Variants in DOCK2 observed in about 807,000 individuals in gnomAD.
The protein encoded by DOCK2 is dedicator of cytokinesis protein 2.
DOCK2 carries 87 observed loss-of-function variants against 248.9 expected under a neutral mutation model. The observed-to-expected ratio is 0.35, with a 90% CI of 0.29 to 0.42. DOCK2 has a LOEUF of 0.42. Ranked by LOEUF, DOCK2 falls within the 10% of genes least tolerant of loss-of-function variation. The pLI, the probability that DOCK2 is intolerant of heterozygous loss-of-function variation, is 1.00. For synonymous variants in DOCK2, 805 were observed against 821.6 expected, an observed-to-expected ratio of 0.98 and a Z score of 0.35; for missense variants, 1,747 against 2,300.2, an observed-to-expected ratio of 0.76 and a Z score of 4.92.
chr5:169,702,482 T>G, intron 14 of DOCK2, 55 bp downstream of exon 14: 2 of 1,603,408 alleles, frequency 1.2e-6, no homozygotes, highest in South Asian at 1.1e-5. Flanking sequence ...GGCCTCTGCT[T>G]GTAAAGACGT....
At position 169,950,930 on chromosome 5, in the gene DOCK2, A is replaced by G. The variant is rs76304993; in HGVS notation, c.2800-32138A>G. Reference sequence around the variant, plus strand: ...TGGTCTTCATGATGTTGGCTCACTCAAAATTATAAAATTAATTTGAATTTG... The same window carrying G: ...TGGTCTTCATGATGTTGGCTCACTCGAAATTATAAAATTAATTTGAATTTG... On this transcript the variant is annotated intron_variant, in intron 27 of 51. Transcript: ENST00000520908. Among the ~76,000 whole-genome samples the G allele has an allele frequency of 3.3e-4, 51 of 152,334 alleles. No individual in the cohort carries two copies. In the East Asian group the frequency reaches 9.4e-3, roughly 28 times the overall value.
chr5:169,858,240 G>A (rs916221865), intron 27 of DOCK2, among the ~76,000 whole-genome samples: 9 of 152,218 alleles, frequency 5.9e-5, no homozygotes, highest in African/African-American at 2.2e-4. Flanking sequence ...AAAGAATGAC[G>A]CAGATATATG....
At chr5:169,803,366 G>A (rs917036831) in intron 26 of DOCK2, among the ~76,000 whole-genome samples, 160 bp downstream of exon 26, 3 of 152,208 alleles carry the variant, frequency 2.0e-5, no homozygotes, top group Admixed American at 1.3e-4. Flanking sequence ...CCCCATTGCT[G>A]TGAAGGATGG....
In DOCK2 at chr5:169,780,327, GTGTGT is replaced by G. The variant is rs879754887; in HGVS notation, c.2554+18703_2554+18707del. Among the ~76,000 whole-genome samples, 176 of 114,128 alleles carry G rather than the reference GTGTGT, an allele frequency of 1.5e-3. 2 individuals carry two copies. The highest frequency in any genetic ancestry group is 4.5e-3 in the Middle Eastern group (1 of 222). The allele number at this position is 114,128 out of a possible 152,430, so 74.9% of individuals were successfully genotyped here. A position where few individuals can be genotyped will look rare whatever the true frequency, so the allele number is the denominator to read the frequency against. On this transcript the variant is annotated intron_variant, in intron 25 of 51. Coordinates refer to ENST00000520908, the MANE Select transcript of DOCK2 (RefSeq NM_004946.3). ...TGTGTGTGTGTGTGTGTGTGTGTGT[GTGTGT>G]GTGTGTGTTGAATCGTTCTAACACA...
At chr5:169,926,069 AG>A (rs1775435340) in intron 27 of DOCK2, among the ~76,000 whole-genome samples, 1 of 152,218 alleles carries the variant, frequency 6.6e-6, no homozygotes, top group Non-Finnish European at 1.5e-5. Flanking sequence ...AGCTGAGCTT[AG>A]AAAAGAGAAT....
At chr5:169,920,970 G>A (rs1156421270) in intron 27 of DOCK2, among the ~76,000 whole-genome samples, 1 of 152,174 alleles carries the variant, frequency 6.6e-6, no homozygotes, top group Admixed American at 6.5e-5. Context: ...GATTCATATT[G>A]TTAGGTCTTC....
At chr5:169,751,058 G>A (rs746468) in intron 23 of DOCK2, among the ~76,000 whole-genome samples, 13,858 of 152,166 alleles carry the variant, frequency 0.091, 1,122 homozygotes, top group Admixed American at 0.28. Context: ...TGTAATTTAG[G>A]GGATTATTGA....
At chr5:169,928,762 G>C (rs545137937) in intron 27 of DOCK2, among the ~76,000 whole-genome samples, 1 of 152,310 alleles carries the variant, frequency 6.6e-6, no homozygotes, top group Non-Finnish European at 1.5e-5. Flanking sequence ...ATGAGTGGGT[G>C]GAAGAAAATA....
At chr5:169,824,411 A>G (rs1469266698) in intron 26 of DOCK2, among the ~76,000 whole-genome samples, 3 of 152,154 alleles carry the variant, frequency 2.0e-5, no homozygotes, top group Non-Finnish European at 4.4e-5. Context: ...CATGGTACTG[A>G]TACCAAAACA....
At position 169,678,470 on chromosome 5, in the gene DOCK2, T is replaced by C. The variant is rs181611851; in HGVS notation, c.471-3274T>C. 1.7e-3 allele frequency among the ~76,000 whole-genome samples: 257 copies of C among 152,174 alleles called. 1 individual carries two copies. The highest frequency in any genetic ancestry group is 2.5e-3 in the Non-Finnish European group (167 of 67,968). On this transcript the variant is annotated intron_variant, in intron 6 of 51. Transcript: ENST00000520908. ...GTAGAGACGGGGTTTCACCAGTCTC[T>C]ACCAGGCTGGTCTTGAACTCCTGAC...
chr5:170,024,339 G>T (rs1414657955), intron 33 of DOCK2, among the ~76,000 whole-genome samples: 3 of 146,728 alleles, frequency 2.0e-5, no homozygotes, highest in Non-Finnish European at 4.5e-5. Flanking sequence ...TCATGATGGA[G>T]TGTATGTTTG....
At chr5:170,037,247 T>A (rs535798255) in intron 36 of DOCK2, among the ~76,000 whole-genome samples, 48 of 152,104 alleles carry the variant, frequency 3.2e-4, no homozygotes, top group African/African-American at 1.2e-3. Context: ...TATATATACA[T>A]TGAATTCTAT....
At chr5:169,903,544 G>A (rs1052690207) in intron 27 of DOCK2, among the ~76,000 whole-genome samples, 6 of 150,690 alleles carry the variant, frequency 4.0e-5, no homozygotes, top group African/African-American at 9.8e-5. Context: ...GGCAGGGGGC[G>A]TTCGGGTGGG....
chr5:170,081,960 G>A lies in DOCK2; in HGVS notation c.5406G>A (p.Lys1802=). 1 of 1,614,142 alleles carries A rather than the reference G, an allele frequency of 6.2e-7. No individual in the cohort carries two copies. Among genetic ancestry groups the A allele is most frequent in the Non-Finnish European group, 8.5e-7 (1 of 1,179,998 alleles). The change falls in exon 51 of 52, where the codon AAG becomes AAA. Residue 1802 remains lysine, a synonymous_variant. Transcript: ENST00000520908. The part of the protein sequence containing the change: ...DGDKKTLTRK[K]VNQFFKTMLA... ...ACAAGAAGACACTCACACGGAAGAAGGTCAATCAGTTCTTCAAGACAATGG... is the reference window on the plus strand; with the variant it reads ...ACAAGAAGACACTCACACGGAAGAAAGTCAATCAGTTCTTCAAGACAATGG...
At chr5:170,016,363 A>C (rs1404299737) in intron 32 of DOCK2, among the ~76,000 whole-genome samples, 1 of 152,234 alleles carries the variant, frequency 6.6e-6, no homozygotes, top group African/African-American at 2.4e-5. Flanking sequence ...TTAGCCACAA[A>C]TGTGTTCTGC....
At chr5:169,723,097 C>T (rs1410318152) in intron 22 of DOCK2, among the ~76,000 whole-genome samples, 1 of 152,176 alleles carries the variant, frequency 6.6e-6, no homozygotes, top group African/African-American at 2.4e-5. Flanking sequence ...GCCTGCTTTT[C>T]TTTGCATCCT....
At chr5:169,831,844 G>A (rs902764089) in intron 26 of DOCK2, among the ~76,000 whole-genome samples, 2 of 152,210 alleles carry the variant, frequency 1.3e-5, no homozygotes, top group African/African-American at 4.8e-5. Context: ...TTGAGGCTCA[G>A]AGGGGCAAGA....
At chr5:169,687,786 C>T (rs1401539910) in intron 8 of DOCK2, among the ~76,000 whole-genome samples, 2 of 152,204 alleles carry the variant, frequency 1.3e-5, no homozygotes, top group Non-Finnish European at 2.9e-5. Flanking sequence ...AACCATATAG[C>T]TGGTCCTCAT....
intron 27 of DOCK2, among the ~76,000 whole-genome samples, chr5:169,842,796 GGT>G (rs903448198): frequency 3.9e-5 from 6 of 152,080 alleles, no homozygotes; most frequent in Non-Finnish European, 7.4e-5. Context: ...CTTTCTATCT[GGT>G]AGAGTGAGGC....
Sources: gnomAD v4.1 joint callset for allele counts (sites outside exome capture counted in the v4.1 genomes callset) on GRCh38, gnomAD v4.1.1 for gene constraint, MANE v1.5 for transcripts, NCBI Gene and HGNC (gene_info 2026-07-23, HGNC 2026-07-21) for gene names.